Variants in DSP observed in about 807,000 individuals in gnomAD.
DSP encodes the protein 250/210 kDa paraneoplastic pemphigus antigen.
Under a neutral mutation model 290.6 loss-of-function variants are expected in DSP, and 114 were observed. The ratio of observed to expected loss-of-function variants is 0.39; its 90% confidence interval spans 0.34 to 0.46. The LOEUF (loss-of-function observed/expected upper bound fraction) is 0.46. DSP is among the 20% of genes least tolerant of loss of function. DSP has a pLI of 0.99. For missense variants in DSP, 3,230 were observed against 3,495.8 expected (o/e 0.92, Z 1.92); for synonymous variants, 1,311 against 1,316.4 (o/e 1.00, Z 0.09).
intron 4 of DSP, among the ~76,000 whole-genome samples, chr6:7,561,693 G>T (rs1040000437): frequency 1.3e-5 from 2 of 152,152 alleles, no homozygotes; most frequent in Non-Finnish European, 2.9e-5. Flanking sequence ...TCAAAGTCCC[G>T]GGTAACCTTC....
At chr6:7,558,040 C>G in intron 2 of DSP, 76 bp from the exon 3 acceptor site, 1 of 1,534,832 alleles carries the variant, frequency 6.5e-7, no homozygotes, top group Non-Finnish European at 9.0e-7. Flanking sequence ...AGTGGAAGCT[C>G]TTGCTTCCAT....
Position 7,580,773 on chromosome 6 carries a change from T to G in DSP, c.4583T>G (p.Leu1528Arg), listed in dbSNP as rs1759407930. ...NSSATETINK[L>R]KVQEQELTRL... is the part of the protein sequence containing the mutation. ...AGTGCGACGGAGACAATAAACAAAC[T>G]GAAGGTTCAGGAGCAAGAACTGACA... is the stretch of plus-strand genomic sequence containing the variant. Residue 1528 changes from leucine (L) to arginine (R), a missense_variant, in exon 23 of 24, where the codon CTG (leucine) becomes CGG (arginine). Leu to Arg is a moderately radical substitution (Grantham distance 102). This residue lies in a region of DSP where 1,714 missense variants were observed against 1,844.5 expected (regional missense o/e 0.93). Transcript: ENST00000379802. The surrounding 1 kb of genome is among the most constrained non-coding windows in gnomAD (Gnocchi z 4.2). 1.2e-6 allele frequency: 2 copies of G among 1,613,948 alleles called. No individual in the cohort carries two copies. The highest frequency in any genetic ancestry group is 1.1e-5 in the South Asian group (1 of 91,078).
At chr6:7,554,127 C>CACACACACA (rs1171658955) in intron 1 of DSP, among the ~76,000 whole-genome samples, 31 of 23,972 alleles carry the variant, frequency 1.3e-3, no homozygotes, top group African/African-American at 3.8e-3. Context: ...ACACACACAC[C>CACACACACA]CAGTTGGTTA....
At chr6:7,553,733 T>C (rs1422366081) in intron 1 of DSP, among the ~76,000 whole-genome samples, 1 of 152,198 alleles carries the variant, frequency 6.6e-6, no homozygotes, top group Non-Finnish European at 1.5e-5. Flanking sequence ...AGACAGAGAC[T>C]GGTTGCATTG....
rs755935383 is a variant in DSP at position 7,585,733 on chromosome 6, G to GCTCCC, written c.8471_8472insCTCCC (p.Ser2827ProfsTer58). On this transcript the variant is annotated frameshift_variant, in exon 24 of 24. Coordinates refer to ENST00000379802, the MANE Select transcript of DSP (RefSeq NM_004415.4). LOFTEE classifies it high-confidence loss of function. The stretch of plus-strand genomic sequence containing the variant: ...CCTTACAACATGTCTTCGGCTCCGG[G>GCTCCC]GTCCCGCTCCGGCTCCCGCTCGGGA... 4.3e-6 allele frequency: 7 copies of GCTCCC among 1,610,930 alleles called. No homozygotes were observed. Among genetic ancestry groups the GCTCCC allele is most frequent in the East Asian group, 2.2e-5 (1 of 44,840 alleles).
Position 7,585,622 on chromosome 6 carries a change from A to T in DSP, c.8360A>T (p.Asp2787Val), listed in dbSNP as rs1759637183. ...ACCAAATTAAAAATATCCTATAAGG[A>T]TGCCATAAATCGCTCCATGGTAGAA... ...PKTKLKISYK[D>V]AINRSMVEDI... The change falls in exon 24 of 24, where the codon GAT becomes GTT. Residue 2787 changes from aspartate (D) to valine (V), a missense_variant. By Grantham distance (152) the Asp-to-Val change is radical. Transcript: ENST00000379802. The T allele has an allele frequency of 2.5e-6, 4 of 1,614,238 alleles. No homozygotes were observed. Among genetic ancestry groups the T allele is most frequent in the Non-Finnish European group, 3.4e-6 (4 of 1,180,036 alleles).
At chr6:7,576,230 A>T in intron 18 of DSP, 64 bp from the exon 19 acceptor site, 1 of 1,562,936 alleles carries the variant, frequency 6.4e-7, no homozygotes, top group Non-Finnish European at 8.8e-7. Flanking sequence ...TTTCTGGGTG[A>T]TTCTATGTTA....
At position 7,544,701 on chromosome 6, in the gene DSP, A is replaced by ATC. The variant is rs112548377; in HGVS notation, c.170+2630_170+2631dup. Among the ~76,000 whole-genome samples, 1,383 of 150,848 alleles carry ATC rather than the reference A, an allele frequency of 9.2e-3. 19 individuals carry two copies. The highest frequency in any genetic ancestry group is 0.03 in the African/African-American group (1,254 of 41,264). ...TTTCCTTTGAAAATGACTTTAAAACATCTCTCTCTCTCTCTGTCCTTTCCA... is the reference window on the plus strand; with the variant it reads ...TTTCCTTTGAAAATGACTTTAAAACATCTCTCTCTCTCTCTCTGTCCTTTCCA... On this transcript the variant is annotated intron_variant, in intron 1 of 23. Coordinates refer to ENST00000379802, the MANE Select transcript of DSP (RefSeq NM_004415.4).
chr6:7,565,214 TG>T lies in DSP; in HGVS notation c.778-143del. On this transcript the variant is annotated intron_variant, in intron 6 of 23. Coordinates refer to ENST00000379802, the MANE Select transcript of DSP (RefSeq NM_004415.4). The surrounding 1 kb of genome is among the most constrained non-coding windows in gnomAD (Gnocchi z 4.2). The stretch of plus-strand genomic sequence containing the variant: ...TGGATGGGTCTTTTCCCATACCAGG[TG>T]GTCAGTGAATGCACAAGGTTAACAT... 2 of 1,016,754 alleles carry T rather than the reference TG, an allele frequency of 2.0e-6. No homozygotes were observed. Among genetic ancestry groups the T allele is most frequent in the Non-Finnish European group, 2.9e-6 (2 of 680,308 alleles). The allele number at this position is 1,016,754 out of a possible 1,614,324, so 63.0% of individuals were successfully genotyped here.
chr6:7,548,666 G>T (rs2299033), intron 1 of DSP, among the ~76,000 whole-genome samples: 1 of 152,024 alleles, frequency 6.6e-6, no homozygotes, highest in Non-Finnish European at 1.5e-5. Context: ...TTCTGTAGCT[G>T]CTGGGCGAAG....
rs1759570987 is a variant in DSP at position 7,584,695 on chromosome 6, C to A, written c.7433C>A (p.Ser2478Tyr). ...GACCCAGAAACCAATAAAGAAATGT[C>A]TGTTCAGGAGGCCTACAAGAAGGGC... ...IVDPETNKEM[S>Y]VQEAYKKGLI... Residue 2478 changes from serine to tyrosine, a missense_variant, in exon 24 of 24, where the codon TCT (serine) becomes TAT (tyrosine). Ser to Tyr is a moderately radical substitution (Grantham distance 144, BLOSUM62 -2). Coordinates refer to ENST00000379802, the MANE Select transcript of DSP (RefSeq NM_004415.4). The surrounding 1 kb of genome is among the most constrained non-coding windows in gnomAD (Gnocchi z 6.4). 6.2e-7 allele frequency: 1 copy of A among 1,614,186 alleles called. No individual in the cohort carries two copies. The highest frequency in any genetic ancestry group is 8.5e-7 in the Non-Finnish European group (1 of 1,180,038).
At chr6:7,560,254 T>C (rs1479226398) in intron 4 of DSP, among the ~76,000 whole-genome samples, 3 of 152,266 alleles carry the variant, frequency 2.0e-5, no homozygotes, top group African/African-American at 7.2e-5. Context: ...GTTGTTAGAC[T>C]AATTCAGCAG....
At chr6:7,571,222 G>A (rs555934161) in intron 13 of DSP, among the ~76,000 whole-genome samples, 161 bp from the exon 14 acceptor site, 2 of 151,916 alleles carry the variant, frequency 1.3e-5, no homozygotes, top group East Asian at 3.9e-4. Flanking sequence ...TGGCTCTTGG[G>A]AACAATGTCT....
chr6:7,585,216 G>A lies in DSP; in HGVS notation c.7954G>A (p.Glu2652Lys), dbSNP rs868023970. 1.9e-6 allele frequency: 3 copies of A among 1,614,162 alleles called. No homozygotes were observed. Among genetic ancestry groups the A allele is most frequent in the Non-Finnish European group, 2.5e-6 (3 of 1,180,038 alleles). ...CAGCATCACGGGTCAGAGGCTTCTG[G>A]AGGCTCAGGCCTGCACAGGTGGCAT... Reference protein sequence around the residue: ...VDSITGQRLLEAQACTGGIIH... With the variant: ...VDSITGQRLLKAQACTGGIIH... The change falls in exon 24 of 24, where the codon GAG becomes AAG. Residue 2652 changes from glutamate (E) to lysine (K), a missense_variant. Coordinates refer to ENST00000379802, the MANE Select transcript of DSP (RefSeq NM_004415.4).
chr6:7,560,194 G>A (rs547157335), intron 4 of DSP, among the ~76,000 whole-genome samples: 1 of 152,216 alleles, frequency 6.6e-6, no homozygotes, highest in Non-Finnish European at 1.5e-5. Context: ...AAGTTGTGGA[G>A]AGATTGTTAT....
chr6:7,585,314 G>A lies in DSP; in HGVS notation c.8052G>A (p.Met2684Ile), dbSNP rs1408242511. The change falls in exon 24 of 24, where the codon ATG becomes ATA. Residue 2684 changes from methionine to isoleucine, a missense_variant. Coordinates refer to ENST00000379802, the MANE Select transcript of DSP (RefSeq NM_004415.4). ...CCCAGGGTGTGATTGACCAAGACAT[G>A]GCCACCAGGCTGAAGCCTGCTCAGA... ...AVSQGVIDQD[M>I]ATRLKPAQKA... The A allele has an allele frequency of 1.9e-6, 3 of 1,614,144 alleles. No individual in the cohort carries two copies. Among genetic ancestry groups the A allele is most frequent in the Non-Finnish European group, 2.5e-6 (3 of 1,180,036 alleles).
At chr6:7,555,941 C>G in intron 2 of DSP, 121 bp downstream of exon 2, 1 of 835,684 alleles carries the variant, frequency 1.2e-6, no homozygotes, top group Non-Finnish European at 2.0e-6. Flanking sequence ...TTTAGAGACA[C>G]GCTTTTTCAG....
intron 11 of DSP, 120 bp downstream of exon 11, chr6:7,568,709 C>CTATG (rs766817817): frequency 1.2e-4 from 131 of 1,127,472 alleles, no homozygotes; most frequent in South Asian, 2.6e-4. Flanking sequence ...TGTCTTTGAT[C>CTATG]TATGAAATCA....
Position 7,582,933 on chromosome 6 carries a change from G to A in DSP, c.5671G>A (p.Glu1891Lys). Residue 1891 changes from glutamate to lysine, a missense_variant, in exon 24 of 24, where the codon GAG becomes AAG. Glu to Lys is a moderately conservative substitution (Grantham distance 56, BLOSUM62 1). This residue lies in a region of DSP where 1,714 missense variants were observed against 1,844.5 expected (regional missense o/e 0.93). Transcript: ENST00000379802. The surrounding 1 kb of genome is among the most constrained non-coding windows in gnomAD (Gnocchi z 4.2). The stretch of plus-strand genomic sequence containing the variant: ...ATCGGAAAGAGAAAAGAGTGAGAGA[G>A]AGAAGAACAGTCTTAGGAGTGAGAT... ...IESEREKSER[E>K]KNSLRSEIER... The A allele has an allele frequency of 6.2e-7, 1 of 1,614,086 alleles. No homozygotes were observed. The highest frequency in any genetic ancestry group is 8.5e-7 in the Non-Finnish European group (1 of 1,180,026).
Sources: gnomAD v4.1 joint callset for allele counts (sites outside exome capture counted in the v4.1 genomes callset) on GRCh38, gnomAD v4.1.1 for gene constraint, gnomAD v4.1.1 regional missense constraint, Gnocchi (gnomAD v3.1) non-coding constraint, MANE v1.5 for transcripts, NCBI Gene and HGNC (gene_info 2026-07-23, HGNC 2026-07-21) for gene names.